Variants in CNKSR2 observed in about 807,000 individuals in gnomAD.
The protein encoded by CNKSR2 is connector enhancer of kinase suppressor of Ras 2.
A neutral mutation model predicts 84.4 loss-of-function variants in CNKSR2; 14 were observed. The observed-to-expected ratio is 0.17, with a 90% CI of 0.11 to 0.26. The LOEUF is 0.26. Ranked by LOEUF, CNKSR2 falls within the 10% of genes least tolerant of loss-of-function variation. CNKSR2 has a pLI of 1.00. For missense variants in CNKSR2, 485 were observed against 771.2 expected (o/e 0.63, Z 4.40); for synonymous variants, 275 against 277.9 (o/e 0.99, Z 0.10).
intron 20 of CNKSR2, chrX:21,644,508 A>G (rs763232274): frequency 1.8e-5 from 2 of 112,144 alleles, no homozygotes; most frequent in Admixed American, 1.9e-4. Context: ...ATATGATACA[A>G]TAGATTGTCC....
rs1407772007 is a variant in CNKSR2 at position 21,654,285 on chromosome X, A to AAAAC, written c.*1767_*1768insCAAA. On this transcript the variant is annotated 3_prime_UTR_variant, in exon 22 of 22. Coordinates refer to ENST00000379510, the MANE Select transcript of CNKSR2 (RefSeq NM_014927.5). ...ATTTTGTATATGTAAAAAAAAAAAAAAAAAAAAAACAAAAAACCTCTTGTC... is the reference window on the plus strand; with the variant it reads ...ATTTTGTATATGTAAAAAAAAAAAAAAAACAAAAAAAAACAAAAAACCTCTTGTC... The AAAAC allele has an allele frequency of 1.5e-4, 16 of 107,144 alleles. No homozygotes were observed. Among genetic ancestry groups the AAAAC allele is most frequent in the African/African-American group, 5.0e-4 (15 of 29,716 alleles). The allele number at this position is 107,144 out of a possible 1,213,427, so 8.8% of individuals were successfully genotyped here.
At chrX:21,432,138 C>G (rs2090642375) in intron 2 of CNKSR2, among the ~76,000 whole-genome samples, 1 of 110,883 alleles carries the variant, frequency 9.0e-6, no homozygotes, top group Non-Finnish European at 1.9e-5. Context: ...TGATTTATTT[C>G]TTGCTTTTTC....
chrX:21,481,677 A>G (rs1476240582), intron 5 of CNKSR2, among the ~76,000 whole-genome samples: 3 of 111,985 alleles, frequency 2.7e-5, no homozygotes, highest in Non-Finnish European at 3.8e-5. Context: ...TGACCTTATC[A>G]TGTGAGCCCT....
At chrX:21,600,756 C>G (rs2092476955) in intron 17 of CNKSR2, among the ~76,000 whole-genome samples, 1 of 112,318 alleles carries the variant, frequency 8.9e-6, no homozygotes. Context: ...ACCCCATACC[C>G]TTGTATTTAG....
intron 4 of CNKSR2, among the ~76,000 whole-genome samples, chrX:21,442,384 A>G (rs2090796198): frequency 8.9e-6 from 1 of 111,928 alleles, no homozygotes; most frequent in Admixed American, 9.5e-5. Flanking sequence ...ACTACTTGTC[A>G]GCCTTTAAAT....
At chrX:21,389,968 TA>T (rs907140273) in intron 1 of CNKSR2, among the ~76,000 whole-genome samples, 1 of 112,360 alleles carries the variant, frequency 8.9e-6, no homozygotes, top group African/African-American at 3.2e-5. Context: ...AAAAGGAGAT[TA>T]AATGTACATG....
intron 4 of CNKSR2, among the ~76,000 whole-genome samples, chrX:21,451,690 G>T (rs2090931891): frequency 1.4e-5 from 1 of 71,565 alleles, no homozygotes; most frequent in African/African-American, 5.6e-5. Flanking sequence ...ACACTCTGGG[G>T]ACTGTTGTGG....
At chrX:21,489,711 A>C (rs1039954839) in intron 5 of CNKSR2, among the ~76,000 whole-genome samples, 5 of 112,079 alleles carry the variant, frequency 4.5e-5, no homozygotes, top group African/African-American at 1.6e-4. Flanking sequence ...TAGTAAAGCC[A>C]CTCTACTAAT....
chrX:21,423,709 T>G (rs1196385396), intron 1 of CNKSR2: 1 of 111,603 alleles, frequency 9.0e-6, no homozygotes, highest in Non-Finnish European at 1.9e-5. Flanking sequence ...TTGCAATGTT[T>G]CCCCTTTCAT....
At position 21,526,917 on chromosome X, in the gene CNKSR2, C is replaced by T. The variant is rs953615357; in HGVS notation, c.1008C>T (p.Thr336=). Residue 336 remains threonine, a synonymous_variant, in exon 10 of 22, where the codon ACC becomes ACT. Transcript: ENST00000379510. ...GCAGCGTTGCCACGCCTTCCAGCAC[C>T]ATCAGTACACCCACCAAAAGAGACA... ...PTSSVATPSS[T]ISTPTKRDSS... 3 of 1,200,341 alleles carry T rather than the reference C, an allele frequency of 2.5e-6. No individual in the cohort carries two copies. The highest frequency in any genetic ancestry group is 3.5e-5 in the African/African-American group (2 of 56,459).
At position 21,432,827 on chromosome X, in the gene CNKSR2, G is replaced by T. The variant is rs761933278; in HGVS notation, c.431+13G>T. 1.5e-5 allele frequency: 18 copies of T among 1,199,983 alleles called. No homozygotes were observed. The highest frequency in any genetic ancestry group is 2.0e-5 in the Non-Finnish European group (18 of 888,785). ...CCTGGTTGGACAGGTAAAGTCTTCC[G>T]CATGTTTCATAAGTATCCTCTCCTC... On this transcript the variant is annotated intron_variant, in intron 3 of 21. Coordinates refer to ENST00000379510, the MANE Select transcript of CNKSR2 (RefSeq NM_014927.5).
chrX:21,559,079 G>A (rs1159141747), intron 11 of CNKSR2, among the ~76,000 whole-genome samples: 4 of 110,774 alleles, frequency 3.6e-5, no homozygotes, highest in Non-Finnish European at 7.6e-5. Flanking sequence ...CATAACAAAA[G>A]GAGACCTTCC....
intron 2 of CNKSR2, chrX:21,427,058 C>T (rs1183908386): frequency 2.3e-5 from 3 of 130,354 alleles, no homozygotes; most frequent in African/African-American, 3.2e-5. Flanking sequence ...AAGGCTCTGC[C>T]GACCTAAACC....
intron 8 of CNKSR2, among the ~76,000 whole-genome samples, chrX:21,510,624 C>T (rs908219787): frequency 9.0e-6 from 1 of 111,329 alleles, no homozygotes; most frequent in African/African-American, 3.3e-5. Context: ...ACCAATTTTC[C>T]AGGACCTGCC....
At chrX:21,533,331 A>T (rs1361608656) in intron 11 of CNKSR2, among the ~76,000 whole-genome samples, 1 of 108,589 alleles carries the variant, frequency 9.2e-6, no homozygotes, top group Non-Finnish European at 1.9e-5. Flanking sequence ...ATAATATGAA[A>T]TTTTTTTTCT....
In CNKSR2 at chrX:21,526,785, CATT is replaced by C. The variant is rs376856886; in HGVS notation, c.958-81_958-79del. The C allele has an allele frequency of 5.5e-4, 437 of 791,628 alleles. 1 individual carries two copies. The highest frequency in any genetic ancestry group is 3.0e-3 in the South Asian group (115 of 38,484). 65.2% of individuals were successfully genotyped at this position (791,628 alleles called of 1,213,427 possible). ...TAATTTTAAAATGATAACTATGTGTCATTGTTGTTGTTGTTGTTGTTGTTGTTG... is the reference window on the plus strand; with the variant it reads ...TAATTTTAAAATGATAACTATGTGTCGTTGTTGTTGTTGTTGTTGTTGTTG... On this transcript the variant is annotated intron_variant, in intron 9 of 21. Coordinates refer to ENST00000379510, the MANE Select transcript of CNKSR2 (RefSeq NM_014927.5).
Position 21,491,998 on chromosome X carries a change from G to A in CNKSR2, c.681+1420G>A, listed in dbSNP as rs773187679. 3.6e-5 allele frequency: 4 copies of A among 111,129 alleles called. No homozygotes were observed. The South Asian group carries it at 1.5e-3, about 42-fold the overall frequency. The allele number at this position is 111,129 out of a possible 1,213,427, so 9.2% of individuals were successfully genotyped here. On this transcript the variant is annotated intron_variant, in intron 6 of 21. Transcript: ENST00000379510. ...TAACTTACATAAAATATAACTATGAGAGTGATCTTGAAGAGATGGGAGAGT... is the reference window on the plus strand; with the variant it reads ...TAACTTACATAAAATATAACTATGAAAGTGATCTTGAAGAGATGGGAGAGT...
rs142517276 is a variant in CNKSR2 at position 21,387,552 on chromosome X, C to T, written c.64+12591C>T. Among the ~76,000 whole-genome samples the T allele has an allele frequency of 5.0e-4, 56 of 111,971 alleles. 1 individual carries two copies. In the East Asian group the frequency reaches 0.014, roughly 29 times the overall value. ...AACTATAACACTATTATCACGCCAC[C>T]GTCCATTCATTCCTTAATATCAATA... On this transcript the variant is annotated intron_variant, in intron 1 of 21. Transcript: ENST00000379510.
At chrX:21,410,189 A>G (rs1040034938) in intron 1 of CNKSR2, among the ~76,000 whole-genome samples, 3 of 110,756 alleles carry the variant, frequency 2.7e-5, no homozygotes, top group African/African-American at 9.8e-5. Flanking sequence ...TGTTAGAAAT[A>G]CAAAATCTCA....
Sources: gnomAD v4.1 joint callset for allele counts (sites outside exome capture counted in the v4.1 genomes callset) on GRCh38, gnomAD v4.1.1 for gene constraint, MANE v1.5 for transcripts, NCBI Gene and HGNC (gene_info 2026-07-23, HGNC 2026-07-21) for gene names.